Variants in AKAP13 observed in about 807,000 individuals in gnomAD.
AKAP13 encodes A-kinase anchoring protein 13.
In AKAP13, 80 loss-of-function variants were observed where a neutral mutation model predicts 264.5. The observed-to-expected ratio is 0.30, with a 90% CI of 0.25 to 0.36. AKAP13 has a LOEUF of 0.36. Ranked by LOEUF, AKAP13 falls within the 10% of genes least tolerant of loss-of-function variation. AKAP13 has a pLI of 1.00. For missense variants in AKAP13, 3,712 were observed against 3,435.2 expected (o/e 1.08, Z -2.01); for synonymous variants, 1,380 against 1,250.2 (o/e 1.10, Z -2.19).
chr15:85,655,919 C>T, intron 11 of AKAP13, 132 bp downstream of exon 11: 1 of 1,373,984 alleles, frequency 7.3e-7, no homozygotes, highest in Non-Finnish European at 9.5e-7. Flanking sequence ...GCTTTGGAAT[C>T]AGGAAAATCT....
chr15:85,531,029 A>G (rs1008802167), intron 3 of AKAP13, among the ~76,000 whole-genome samples: 3 of 151,984 alleles, frequency 2.0e-5, no homozygotes, highest in Non-Finnish European at 4.4e-5. Context: ...TGCCCGGCTA[A>G]TTTTTATTTT....
chr15:85,509,738 G>A (rs1468390642), intron 2 of AKAP13, among the ~76,000 whole-genome samples: 4 of 152,172 alleles, frequency 2.6e-5, no homozygotes, highest in Admixed American at 6.5e-5. Context: ...GCACTTCAGG[G>A]TATTCACAAA....
intron 17 of AKAP13, among the ~76,000 whole-genome samples, chr15:85,698,943 CAAAA>C (rs10715702): frequency 7.4e-4 from 54 of 72,836 alleles, no homozygotes; most frequent in Middle Eastern, 7.6e-3. Flanking sequence ...GACCTTGTCT[CAAAA>C]AAAAAAAAAA....
intron 1 of AKAP13, among the ~76,000 whole-genome samples, chr15:85,470,351 A>C (rs767021791): frequency 1.3e-5 from 2 of 152,180 alleles, no homozygotes; most frequent in African/African-American, 4.8e-5. Flanking sequence ...AGTCCATAGT[A>C]GAGGAGGAAG....
At chr15:85,548,082 T>C (rs1003000941) in intron 5 of AKAP13, among the ~76,000 whole-genome samples, 14 of 152,210 alleles carry the variant, frequency 9.2e-5, no homozygotes, top group African/African-American at 3.1e-4. Context: ...ATCTGGCTGA[T>C]CTCTTACTCA....
At chr15:85,723,640 T>C (rs542816571) in intron 26 of AKAP13, among the ~76,000 whole-genome samples, 2 of 152,266 alleles carry the variant, frequency 1.3e-5, no homozygotes, top group African/African-American at 4.8e-5. Flanking sequence ...TATTCCCCTA[T>C]AAGAGATGGA....
At chr15:85,733,873 CTTTTTTTTTTTTT>C (rs72092500) in intron 30 of AKAP13, among the ~76,000 whole-genome samples, 4 of 82,592 alleles carry the variant, frequency 4.8e-5, no homozygotes, top group African/African-American at 1.0e-4. Flanking sequence ...TCTTTCTTTT[CTTTTTTTTTTTTT>C]TTTTTTTTGA....
intron 35 of AKAP13, 32 bp downstream of exon 35, chr15:85,741,527 T>TC: frequency 2.6e-6 from 4 of 1,536,748 alleles, no homozygotes; most frequent in Non-Finnish European, 3.5e-6. Context: ...AGCAACCTAA[T>TC]GATGATATTA....
intron 1 of AKAP13, among the ~76,000 whole-genome samples, chr15:85,459,599 A>G (rs1006029517): frequency 2.0e-5 from 3 of 151,402 alleles, no homozygotes; most frequent in African/African-American, 7.3e-5. Flanking sequence ...TCCCAGGTTC[A>G]CACCATTCTG....
chr15:85,603,571 G>C (rs982273866), intron 8 of AKAP13, among the ~76,000 whole-genome samples: 2 of 152,200 alleles, frequency 1.3e-5, no homozygotes, highest in Non-Finnish European at 2.9e-5. Context: ...TAAACTTTGT[G>C]ATGTGGCATA....
intron 1 of AKAP13, among the ~76,000 whole-genome samples, chr15:85,442,484 ATATATAATATATATTATAT>A (rs2073718180): frequency 9.0e-6 from 1 of 111,052 alleles, no homozygotes; most frequent in Non-Finnish European, 1.8e-5. Flanking sequence ...ATTATATAAT[ATATATAATATATATTATAT>A]TATATATAAT....
At chr15:85,428,348 C>T (rs1332323955) in intron 1 of AKAP13, among the ~76,000 whole-genome samples, 2 of 152,110 alleles carry the variant, frequency 1.3e-5, no homozygotes, top group Non-Finnish European at 2.9e-5. Flanking sequence ...TACAGGCATG[C>T]GCCACCACAC....
chr15:85,445,386 T>A (rs188507654), intron 1 of AKAP13, among the ~76,000 whole-genome samples: 51 of 152,350 alleles, frequency 3.3e-4, no homozygotes, highest in African/African-American at 1.2e-3. Context: ...CTGACTGATA[T>A]GTTCTAATTC....
chr15:85,459,588 C>T (rs887628753), intron 1 of AKAP13, among the ~76,000 whole-genome samples: 2 of 152,000 alleles, frequency 1.3e-5, no homozygotes, highest in African/African-American at 4.8e-5. Flanking sequence ...CAAGCTCCGC[C>T]TCCCAGGTTC....
intron 12 of AKAP13, among the ~76,000 whole-genome samples, chr15:85,663,309 C>CA (rs11435393): frequency 0.55 from 74,285 of 134,540 alleles, 19,754 homozygotes; most frequent in Middle Eastern, 0.64. Flanking sequence ...GGCTCTGTCT[C>CA]AAAAAAAAAA....
chr15:85,441,451 C>G (rs560651907), intron 1 of AKAP13, among the ~76,000 whole-genome samples: 1 of 151,946 alleles, frequency 6.6e-6, no homozygotes, highest in Non-Finnish European at 1.5e-5. Flanking sequence ...GACGTAGAGT[C>G]TTGTCTTTTA....
At chr15:85,726,858 A>G (rs947532503) in intron 27 of AKAP13, 2 of 602,040 alleles carry the variant, frequency 3.3e-6, no homozygotes, top group South Asian at 2.3e-5. Context: ...GAACCTTTAG[A>G]GCCATAAATT....
intron 5 of AKAP13, among the ~76,000 whole-genome samples, chr15:85,557,281 C>A (rs1194147040): frequency 6.6e-6 from 1 of 152,128 alleles, no homozygotes; most frequent in Non-Finnish European, 1.5e-5. Flanking sequence ...ATCTGCAGAA[C>A]CTTGGCCTTG....
chr15:85,528,366 G>A (rs1177161069), intron 3 of AKAP13, among the ~76,000 whole-genome samples: 1 of 152,158 alleles, frequency 6.6e-6, no homozygotes, highest in Non-Finnish European at 1.5e-5. Context: ...AGTGCCAATG[G>A]CAAGCTTTGT....
Sources: gnomAD v4.1 joint callset for allele counts (sites outside exome capture counted in the v4.1 genomes callset) on GRCh38, gnomAD v4.1.1 for gene constraint, MANE v1.5 for transcripts, NCBI Gene and HGNC (gene_info 2026-07-23, HGNC 2026-07-21) for gene names.